CRPPA: variants seen among roughly 807,000 people sequenced by gnomAD.
The protein encoded by CRPPA is D-ribitol-5-phosphate cytidylyltransferase.
In CRPPA, 43 loss-of-function variants were observed where a neutral mutation model predicts 52.0. The observed-to-expected ratio is 0.83, with a 90% CI of 0.65 to 1.07. The LOEUF is 1.07. Among genes scored for constraint, CRPPA ranks in the 50% least tolerant of loss-of-function variants. The pLI is 0.00. For missense variants in CRPPA, 629 were observed against 551.7 expected, an observed-to-expected ratio of 1.14 and a Z score of -1.40; for synonymous variants, 250 against 203.5, an observed-to-expected ratio of 1.23 and a Z score of -1.94.
intron 1 of CRPPA, among the ~76,000 whole-genome samples, chr7:16,412,371 C>A (rs115528336): frequency 6.6e-6 from 1 of 152,016 alleles, no homozygotes; most frequent in Non-Finnish European, 1.5e-5. Flanking sequence ...TTCAAATGTG[C>A]GTGAGTATAT....
At chr7:16,373,204 G>A (rs1243190742) in intron 3 of CRPPA, among the ~76,000 whole-genome samples, 1 of 152,084 alleles carries the variant, frequency 6.6e-6, no homozygotes, top group Non-Finnish European at 1.5e-5. Context: ...GCTGAGGCAG[G>A]AGAATCGCTT....
chr7:16,216,755 C>A (rs966842121), intron 8 of CRPPA, among the ~76,000 whole-genome samples: 5 of 152,198 alleles, frequency 3.3e-5, no homozygotes, highest in Admixed American at 2.6e-4. Context: ...CGGCGCACCA[C>A]GAGATTATAT....
intron 6 of CRPPA, among the ~76,000 whole-genome samples, chr7:16,265,091 C>G (rs1783918191): frequency 6.6e-6 from 1 of 152,178 alleles, no homozygotes. Context: ...TTAAGGAAGT[C>G]AATCCTGGTA....
At position 16,134,211 on chromosome 7, in the gene CRPPA, G is replaced by A. The variant is rs896333351; in HGVS notation, c.1252-42412C>T. Among the ~76,000 whole-genome samples, 11 of 125,234 alleles carry A rather than the reference G, an allele frequency of 8.8e-5. 2 individuals carry two copies. The highest frequency in any genetic ancestry group is 1.6e-4 in the Non-Finnish European group (9 of 54,880). The allele number at this position is 125,234 out of a possible 152,430, so 82.2% of individuals were successfully genotyped here. Reference sequence around the variant, plus strand: ...CCCCTAAAGTGCTGGGATTACAGGCGTGAGACGCCACACACGGACCTTATG... The same window carrying A: ...CCCCTAAAGTGCTGGGATTACAGGCATGAGACGCCACACACGGACCTTATG... On this transcript the variant is annotated intron_variant, in intron 9 of 9. Transcript: ENST00000407010.
intron 9 of CRPPA, among the ~76,000 whole-genome samples, chr7:16,137,265 T>C (rs1268954174): frequency 6.6e-6 from 1 of 152,216 alleles, no homozygotes; most frequent in Non-Finnish European, 1.5e-5. Flanking sequence ...GAACCAGGAA[T>C]CAGGTCCTCA....
At chr7:16,380,633 A>G (rs1478089439) in intron 2 of CRPPA, among the ~76,000 whole-genome samples, 6 of 151,964 alleles carry the variant, frequency 3.9e-5, no homozygotes, top group Admixed American at 2.6e-4. Context: ...ACTCTTTTTG[A>G]TTGGTAAGCT....
chr7:16,110,660 T>G lies in CRPPA; in HGVS notation c.1252-18861A>C, dbSNP rs190652239. Among the ~76,000 whole-genome samples the G allele has an allele frequency of 7.8e-4, 118 of 152,206 alleles. 1 individual carries two copies. The highest frequency in any genetic ancestry group is 2.5e-3 in the African/African-American group (105 of 41,552). ...AATACATGCATATACAGTCAATTGA[T>G]TTTTGACAAAGGTGCCAAGAACACA... On this transcript the variant is annotated intron_variant, in intron 9 of 9. Transcript: ENST00000407010.
intron 8 of CRPPA, among the ~76,000 whole-genome samples, chr7:16,241,429 C>T (rs988054983): frequency 2.6e-5 from 4 of 151,898 alleles, no homozygotes; most frequent in African/African-American, 4.8e-5. Flanking sequence ...ATTGTATATA[C>T]AAGCAGAGAA....
At chr7:16,353,996 C>A (rs1441490913) in intron 3 of CRPPA, among the ~76,000 whole-genome samples, 2 of 151,748 alleles carry the variant, frequency 1.3e-5, no homozygotes, top group Non-Finnish European at 2.9e-5. Flanking sequence ...ATACAATTAT[C>A]AAAAAAATAA....
Position 16,387,044 on chromosome 7 carries a change from G to GATAT in CRPPA, c.535-10807_535-10804dup, listed in dbSNP as rs57024916. Among the ~76,000 whole-genome samples, 471 of 95,854 alleles carry GATAT rather than the reference G, an allele frequency of 4.9e-3. 5 individuals are homozygous for GATAT. Among genetic ancestry groups the GATAT allele is most frequent in the Non-Finnish European group, 4.8e-3 (247 of 51,858 alleles). The allele number at this position is 95,854 out of a possible 152,430, so 62.9% of individuals were successfully genotyped here. A position where few individuals can be genotyped will look rare whatever the true frequency, so the allele number is the denominator to read the frequency against. ...TATTTTTAATTTAAAATAAAAAAAA[G>GATAT]ATATATATATATATATATATATATA... On this transcript the variant is annotated intron_variant, in intron 2 of 9. Transcript: ENST00000407010.
chr7:16,271,053 G>C (rs1038455550), intron 6 of CRPPA, among the ~76,000 whole-genome samples: 1 of 151,732 alleles, frequency 6.6e-6, no homozygotes, highest in Non-Finnish European at 1.5e-5. Context: ...CAAAATCAGA[G>C]CATGCTTTAC....
At chr7:16,377,667 G>A (rs1407143348) in intron 2 of CRPPA, among the ~76,000 whole-genome samples, 2 of 152,158 alleles carry the variant, frequency 1.3e-5, no homozygotes, top group African/African-American at 2.4e-5. Flanking sequence ...AGACTCTGTA[G>A]TACTCAAGCC....
At chr7:16,387,043 AG>A (rs1562671281) in intron 2 of CRPPA, among the ~76,000 whole-genome samples, 5 of 65,142 alleles carry the variant, frequency 7.7e-5, no homozygotes, top group African/African-American at 2.1e-4. Context: ...AATAAAAAAA[AG>A]ATATATATAT....
intron 9 of CRPPA, among the ~76,000 whole-genome samples, chr7:16,103,210 A>G (rs1782084383): frequency 6.6e-6 from 1 of 152,172 alleles, no homozygotes; most frequent in African/African-American, 2.4e-5. Context: ...AGCAAGAGAA[A>G]ACAAAACACC....
At chr7:16,119,990 A>G (rs114442034) in intron 9 of CRPPA, among the ~76,000 whole-genome samples, 1,834 of 152,332 alleles carry the variant, frequency 0.012, 36 homozygotes, top group African/African-American at 0.042. Context: ...GCATTTAGGA[A>G]TCTAGTGGAA....
At chr7:16,336,292 G>A (rs1785677245) in intron 3 of CRPPA, among the ~76,000 whole-genome samples, 1 of 152,068 alleles carries the variant, frequency 6.6e-6, no homozygotes, top group Non-Finnish European at 1.5e-5. Context: ...AAACACAACT[G>A]TAGCTGCAGT....
At chr7:16,222,296 C>G (rs12216566) in intron 8 of CRPPA, among the ~76,000 whole-genome samples, 80,887 of 109,742 alleles carry the variant, frequency 0.74, 28,802 homozygotes, top group Admixed American at 0.8. Flanking sequence ...GACTGTGTTG[C>G]GGTGGGGGGA....
intron 3 of CRPPA, among the ~76,000 whole-genome samples, chr7:16,311,209 T>C (rs557963007): frequency 6.6e-6 from 1 of 152,254 alleles, no homozygotes; most frequent in South Asian, 2.1e-4. Context: ...CGTAGTTTAA[T>C]TACGACCCAT....
At chr7:16,338,563 C>A (rs1482646642) in intron 3 of CRPPA, among the ~76,000 whole-genome samples, 2 of 151,826 alleles carry the variant, frequency 1.3e-5, no homozygotes, top group African/African-American at 2.4e-5. Context: ...ATTACTAATA[C>A]CAAAATGGAA....
Sources: gnomAD v4.1 joint callset for allele counts (sites outside exome capture counted in the v4.1 genomes callset) on GRCh38, gnomAD v4.1.1 for gene constraint, MANE v1.5 for transcripts, NCBI Gene and HGNC (gene_info 2026-07-23, HGNC 2026-07-21) for gene names.